Variants in APOBEC3H observed in about 807,000 individuals in gnomAD.
APOBEC3H encodes apolipoprotein B mRNA editing enzyme catalytic subunit 3H, also known as DNA dC->dU-editing enzyme APOBEC-3H.
Under a neutral mutation model 21.2 loss-of-function variants are expected in APOBEC3H, and 8 were observed. The observed-to-expected ratio is 0.38, with a 90% CI of 0.22 to 0.68. The LOEUF is 0.68. APOBEC3H is among the 30% of genes least tolerant of loss of function. APOBEC3H has a pLI of 0.52. For synonymous variants in APOBEC3H, 88 were observed against 91.0 expected, an observed-to-expected ratio of 0.97 and a Z score of 0.19; for missense variants, 229 against 228.1, an observed-to-expected ratio of 1.00 and a Z score of -0.03.
In APOBEC3H at chr22:39,101,232, C is replaced by T; in HGVS notation, c.151-5C>T. ...TCCCTTCTCTCTGTTTGGGACCCTC[C>T]CCAGAAAAAGTGCCATGCAGAAATT... On this transcript the variant is annotated splice_polypyrimidine_tract_variant and splice_region_variant and intron_variant, in intron 2 of 4. Coordinates refer to ENST00000442487, the MANE Select transcript of APOBEC3H (RefSeq NM_181773.5). 1.2e-6 allele frequency: 2 copies of T among 1,609,094 alleles called. No individual in the cohort carries two copies. Among genetic ancestry groups the T allele is most frequent in the Admixed American group, 1.7e-5 (1 of 59,782 alleles).
At chr22:39,103,100 C>T (rs1037848137) in intron 4 of APOBEC3H, among the ~76,000 whole-genome samples, 1 of 151,916 alleles carries the variant, frequency 6.6e-6, no homozygotes, top group East Asian at 1.9e-4. Context: ...CCAGCCTGGG[C>T]AACATGGCAA....
In APOBEC3H at chr22:39,103,990, G is replaced by C. The variant is rs1038249906; in HGVS notation, c.*293G>C. ...AGATAAAGTCTGTAAATCCAGCCGG[G>C]TACGGTGGCTCACGCCTGTAATCCT... On this transcript the variant is annotated 3_prime_UTR_variant, in exon 5 of 5. Coordinates refer to ENST00000442487, the MANE Select transcript of APOBEC3H (RefSeq NM_181773.5). 3 of 498,544 alleles carry C rather than the reference G, an allele frequency of 6.0e-6. No homozygotes were observed. Among genetic ancestry groups the C allele is most frequent in the African/African-American group, 5.8e-5 (3 of 51,710 alleles). The allele number at this position is 498,544 out of a possible 1,614,324, so 30.9% of individuals were successfully genotyped here.
chr22:39,101,135 T>TTC, intron 2 of APOBEC3H, 102 bp from the exon 3 acceptor site: 4 of 406,218 alleles, frequency 9.8e-6, no homozygotes, highest in South Asian at 2.1e-5. Flanking sequence ...CAGACCCCTC[T>TTC]GCCCCCCCAT....
chr22:39,103,924 C>A lies in APOBEC3H; in HGVS notation c.*227C>A. Reference sequence around the variant, plus strand: ...TTTCCTCCTTTTTCCATATTGCTTTCTGTTCTAAGTGGGTGAATAATTTTA... The same window carrying A: ...TTTCCTCCTTTTTCCATATTGCTTTATGTTCTAAGTGGGTGAATAATTTTA... On this transcript the variant is annotated 3_prime_UTR_variant, in exon 5 of 5. Transcript: ENST00000442487. 1.7e-6 allele frequency: 1 copy of A among 587,740 alleles called. No individual in the cohort carries two copies. The highest frequency in any genetic ancestry group is 3.0e-6 in the Non-Finnish European group (1 of 328,726). 36.4% of individuals were successfully genotyped at this position (587,740 alleles called of 1,614,324 possible). A position where few individuals can be genotyped will look rare whatever the true frequency, so the allele number is the denominator to read the frequency against.
At chr22:39,098,242 T>C (rs1278296764) in intron 1 of APOBEC3H, among the ~76,000 whole-genome samples, 1 of 152,240 alleles carries the variant, frequency 6.6e-6, no homozygotes, top group African/African-American at 2.4e-5. Flanking sequence ...CCTGATTTTT[T>C]GTTTCGTTTT....
chr22:39,103,606 G>T (rs1929491778), intron 4 of APOBEC3H, 83 bp from the exon 5 acceptor site: 2 of 1,445,572 alleles, frequency 1.4e-6, no homozygotes, highest in Non-Finnish European at 9.7e-7. Flanking sequence ...TCTTCCTAAT[G>T]ATCTCATCCT....
chr22:39,098,255 T>C (rs1163806836), intron 1 of APOBEC3H, among the ~76,000 whole-genome samples: 1 of 152,210 alleles, frequency 6.6e-6, no homozygotes, highest in Non-Finnish European at 1.5e-5. Context: ...TTCGTTTTGT[T>C]TTTTTGAGAA....
intron 1 of APOBEC3H, 35 bp from the exon 2 acceptor site, chr22:39,100,237 C>T: frequency 6.3e-7 from 1 of 1,597,450 alleles, no homozygotes. Context: ...GAGGACGCTC[C>T]CTTCATCTTT....
In APOBEC3H at chr22:39,102,524, C is replaced by G. The variant is rs760695961; in HGVS notation, c.543+482C>G. ...CTTGTTCTTTTAGATTCCAGGGGTA[C>G]GTGCGCAGGGTCGTTACATGGATAT... On this transcript the variant is annotated intron_variant, in intron 4 of 4. Coordinates refer to ENST00000442487, the MANE Select transcript of APOBEC3H (RefSeq NM_181773.5). 1.3e-5 allele frequency: 9 copies of G among 718,258 alleles called. No homozygotes were observed. The African/African-American group carries it at 1.6e-4, about 13-fold the overall frequency. 44.5% of individuals were successfully genotyped at this position (718,258 alleles called of 1,614,324 possible).
intron 4 of APOBEC3H, among the ~76,000 whole-genome samples, chr22:39,102,775 G>A (rs1290730076): frequency 6.6e-6 from 1 of 152,022 alleles, no homozygotes; most frequent in Non-Finnish European, 1.5e-5. Flanking sequence ...CGAGGCAGGT[G>A]TATCAAGAGG....
intron 2 of APOBEC3H, among the ~76,000 whole-genome samples, chr22:39,100,774 A>T (rs1014523006): frequency 2.1e-4 from 32 of 152,002 alleles, no homozygotes; most frequent in Admixed American, 1.4e-3. Context: ...CAACTCCATC[A>T]CACCCCTGTC....
At chr22:39,102,446 C>T (rs1328760323) in intron 4 of APOBEC3H, 8 of 715,318 alleles carry the variant, frequency 1.1e-5, no homozygotes, top group East Asian at 5.4e-5. Context: ...CACCGTGCCC[C>T]GCCCCACTAC....
At chr22:39,101,772 A>C in intron 3 of APOBEC3H, 146 bp from the exon 4 acceptor site, 1 of 1,318,768 alleles carries the variant, frequency 7.6e-7, no homozygotes, top group South Asian at 1.3e-5. Flanking sequence ...GTCAAGGCCC[A>C]AGATCTGACA....
chr22:39,103,746 G>A lies in APOBEC3H; in HGVS notation c.*49G>A, dbSNP rs766678949. 9.3e-6 allele frequency: 15 copies of A among 1,607,802 alleles called. No individual in the cohort carries two copies. Among genetic ancestry groups the A allele is most frequent in the Non-Finnish European group, 1.1e-5 (13 of 1,174,388 alleles). ...CTTAAGAAGTTTGCAGCTTGGACCCGTATCCCACTCATTATCAAGAAGCAA... is the reference window on the plus strand; with the variant it reads ...CTTAAGAAGTTTGCAGCTTGGACCCATATCCCACTCATTATCAAGAAGCAA... On this transcript the variant is annotated 3_prime_UTR_variant, in exon 5 of 5. Transcript: ENST00000442487.
At chr22:39,099,666 G>A (rs912350232) in intron 1 of APOBEC3H, among the ~76,000 whole-genome samples, 50 of 152,310 alleles carry the variant, frequency 3.3e-4, no homozygotes, top group African/African-American at 1.1e-3. Context: ...TGACGAGGTC[G>A]GGGCATCCCC....
chr22:39,101,980 A>G lies in APOBEC3H; in HGVS notation c.481A>G (p.Lys161Glu). Residue 161 changes from lysine to glutamate, a missense_variant, in exon 4 of 5, where the codon AAG becomes GAG. By Grantham distance (56) the Lys-to-Glu change is moderately conservative. Coordinates refer to ENST00000442487, the MANE Select transcript of APOBEC3H (RefSeq NM_181773.5). ...HEKPLSFNPY[K>E]MLEELDKNSR... ...GAAACCGCTTTCCTTCAACCCCTAT[A>G]AGATGTTAGAGGAGCTAGATAAAAA... The G allele has an allele frequency of 1.2e-6, 2 of 1,613,584 alleles. No individual in the cohort carries two copies. Among genetic ancestry groups the G allele is most frequent in the South Asian group, 1.1e-5 (1 of 91,058 alleles).
intron 1 of APOBEC3H, among the ~76,000 whole-genome samples, chr22:39,098,343 T>C (rs1462451029): frequency 6.6e-6 from 1 of 152,086 alleles, no homozygotes; most frequent in Non-Finnish European, 1.5e-5. Flanking sequence ...TTCACGCCAT[T>C]TTCCTGCCTG....
intron 1 of APOBEC3H, 104 bp from the exon 2 acceptor site, chr22:39,100,168 G>A (rs1474891794): frequency 2.3e-6 from 3 of 1,297,152 alleles, no homozygotes; most frequent in South Asian, 2.8e-5. Flanking sequence ...GCGAGACTCT[G>A]TCTCAAAAAA....
At chr22:39,103,654 G>C (rs1351432463) in intron 4 of APOBEC3H, 35 bp from the exon 5 acceptor site, 2 of 1,610,494 alleles carry the variant, frequency 1.2e-6, no homozygotes, top group African/African-American at 1.3e-5. Flanking sequence ...TGTCCCACCA[G>C]TTGGTACCTC....
Sources: allele counts gnomAD v4.1 joint callset (sites outside exome capture counted in the v4.1 genomes callset), GRCh38; gene constraint gnomAD v4.1.1; transcripts MANE v1.5; gene names NCBI Gene and HGNC (gene_info 2026-07-23, HGNC 2026-07-21).